Variants in SLC15A3 observed in about 807,000 individuals in gnomAD.
SLC15A3 encodes solute carrier family 15 member 3.
In SLC15A3, 39 loss-of-function variants were observed where a neutral mutation model predicts 49.2. That is an observed-to-expected ratio of 0.79 (90% confidence interval 0.61 to 1.04). The LOEUF (loss-of-function observed/expected upper bound fraction) is 1.04, where lower values mean the gene tolerates loss of function less well. Among genes scored for constraint, SLC15A3 ranks in the 50% least tolerant of loss-of-function variants. The pLI, the probability that SLC15A3 is intolerant of heterozygous loss-of-function variation, is 0.00. For missense variants in SLC15A3, 758 were observed against 794.8 expected (o/e 0.95, Z 0.56); for synonymous variants, 339 against 367.0 (o/e 0.92, Z 0.87).
chr11:60,949,075 C>T (rs979972035), intron 1 of SLC15A3, among the ~76,000 whole-genome samples: 1 of 152,182 alleles, frequency 6.6e-6, no homozygotes, highest in Non-Finnish European at 1.5e-5. Context: ...GTGGCTCACG[C>T]CTGTAATCCC....
chr11:60,946,822 C>T lies in SLC15A3; in HGVS notation c.559-1G>A. The T allele has an allele frequency of 6.2e-7, 1 of 1,606,550 alleles. No homozygotes were observed. The highest frequency in any genetic ancestry group is 8.5e-7 in the Non-Finnish European group (1 of 1,177,740). On this transcript the variant is annotated splice_acceptor_variant, in intron 1 of 7. Transcript: ENST00000227880. LOFTEE classifies it high-confidence loss of function. The stretch of plus-strand genomic sequence containing the variant: ...TGGCGTCGCGGCCGAGATCCATCAC[C>T]TGCCATTCAGGAAGGGGTGACAGTG...
chr11:60,939,406 G>A (rs991877046), intron 6 of SLC15A3, 74 bp downstream of exon 6: 22 of 1,558,920 alleles, frequency 1.4e-5, no homozygotes, highest in Admixed American at 3.5e-5. Context: ...TGCATCCCTG[G>A]GGTACCTGAC....
At chr11:60,943,639 A>G in intron 3 of SLC15A3, 50 bp downstream of exon 3, 2 of 1,451,930 alleles carry the variant, frequency 1.4e-6, no homozygotes, top group Non-Finnish European at 1.8e-6. Flanking sequence ...GGCCATTCAG[A>G]TGGTGAGTGG....
intron 7 of SLC15A3, 134 bp downstream of exon 7, chr11:60,937,735 CG>C: frequency 8.2e-7 from 1 of 1,224,128 alleles, no homozygotes; most frequent in Admixed American, 2.7e-5. Flanking sequence ...TGGCCAAGCC[CG>C]GGCTAGAACC....
At chr11:60,939,288 G>T (rs562239054) in intron 6 of SLC15A3, among the ~76,000 whole-genome samples, 192 bp downstream of exon 6, 12 of 152,204 alleles carry the variant, frequency 7.9e-5, no homozygotes, top group Admixed American at 7.2e-4. Flanking sequence ...CCCAGTGCCT[G>T]TCACATAGGG....
At chr11:60,949,098 G>T (rs1285304063) in intron 1 of SLC15A3, among the ~76,000 whole-genome samples, 2 of 152,182 alleles carry the variant, frequency 1.3e-5, no homozygotes, top group African/African-American at 4.8e-5. Flanking sequence ...CACTTTGGGA[G>T]GCTGAGGCAG....
intron 1 of SLC15A3, among the ~76,000 whole-genome samples, chr11:60,949,277 C>T (rs906251738): frequency 6.6e-6 from 1 of 151,632 alleles, no homozygotes; most frequent in Non-Finnish European, 1.5e-5. Flanking sequence ...GTGGAGGTTG[C>T]AGTGATCTGA....
At chr11:60,949,000 G>T (rs139887333) in intron 1 of SLC15A3, among the ~76,000 whole-genome samples, 1 of 152,284 alleles carries the variant, frequency 6.6e-6, no homozygotes, top group Non-Finnish European at 1.5e-5. Context: ...GACAAATATT[G>T]GGGGTCTCTA....
chr11:60,939,541 GA>G lies in SLC15A3; in HGVS notation c.1373del (p.Ile458ThrfsTer56). The G allele has an allele frequency of 6.2e-7, 1 of 1,614,208 alleles. No individual in the cohort carries two copies. Among genetic ancestry groups the G allele is most frequent in the Non-Finnish European group, 8.5e-7 (1 of 1,180,016 alleles). On this transcript the variant is annotated frameshift_variant, in exon 6 of 8. Coordinates refer to ENST00000227880, the MANE Select transcript of SLC15A3 (RefSeq NM_016582.3). LOFTEE classifies it high-confidence loss of function. ...GCAGGTACTGAGGGATCTGCCACCA[GA>G]TGGACAGTGGTGCCGCGTTGTACAG... ...EVLYNAAPLS[I>X]WWQIPQYLLI... is the part of the protein sequence containing the mutation.
At chr11:60,939,065 C>G (rs1408510538) in intron 6 of SLC15A3, among the ~76,000 whole-genome samples, 1 of 152,164 alleles carries the variant, frequency 6.6e-6, no homozygotes, top group South Asian at 2.1e-4. Context: ...GTACTGTGTG[C>G]TATGATAGAG....
intron 7 of SLC15A3, 100 bp downstream of exon 7, chr11:60,937,770 T>C: frequency 1.4e-6 from 2 of 1,426,300 alleles, no homozygotes; most frequent in African/African-American, 2.8e-5. Context: ...TCTAGCCCTC[T>C]ACTTGCTTCT....
In SLC15A3 at chr11:60,943,974, A is replaced by G. The variant is rs517805; in HGVS notation, c.849-138T>C. 1,436 of 821,516 alleles carry G rather than the reference A, an allele frequency of 1.7e-3. 19 individuals carry two copies. In the African/African-American group the frequency reaches 0.023, roughly 13 times the overall value. 50.9% of individuals were successfully genotyped at this position (821,516 alleles called of 1,614,324 possible). A position where few individuals can be genotyped will look rare whatever the true frequency, so the allele number is the denominator to read the frequency against. ...GGAGTTCAAGACCAGCCTGGCCAAG[A>G]TGATGAAACTCCGTCCCTACTAAAA... On this transcript the variant is annotated intron_variant, in intron 2 of 7. Transcript: ENST00000227880.
intron 2 of SLC15A3, 44 bp from the exon 3 acceptor site, chr11:60,943,880 G>A (rs1007587026): frequency 4.2e-6 from 6 of 1,445,526 alleles, no homozygotes; most frequent in East Asian, 2.6e-5. Flanking sequence ...AGTCAAGGCT[G>A]GGCTTGGTGG....
intron 2 of SLC15A3, 94 bp downstream of exon 2, chr11:60,946,436 GAA>G (rs1189708222): frequency 2.9e-6 from 4 of 1,374,624 alleles, no homozygotes; most frequent in Admixed American, 2.5e-5. Flanking sequence ...CACTGTAGCT[GAA>G]CCAGAATGTC....
chr11:60,941,341 G>C, intron 4 of SLC15A3, 51 bp from the exon 5 acceptor site: 1 of 1,562,406 alleles, frequency 6.4e-7, no homozygotes, highest in South Asian at 1.2e-5. Flanking sequence ...CAAGGAGCCT[G>C]GCTGCAGTCA....
At chr11:60,941,986 AGCCGCTAC>A in intron 4 of SLC15A3, 41 bp downstream of exon 4, 1 of 1,550,772 alleles carries the variant, frequency 6.4e-7, no homozygotes. Flanking sequence ...TCTCAGAGGA[AGCCGCTAC>A]CTGGCTGAAC....
At chr11:60,946,511 G>A in intron 2 of SLC15A3, 21 bp downstream of exon 2, 1 of 1,529,944 alleles carries the variant, frequency 6.5e-7, no homozygotes, top group Non-Finnish European at 8.8e-7. Context: ...GAGGCTCCCT[G>A]CACCCAGAGC....
At chr11:60,941,920 G>T in intron 4 of SLC15A3, 115 bp downstream of exon 4, 1 of 1,004,682 alleles carries the variant, frequency 1.0e-6, no homozygotes. Flanking sequence ...CCTGTATCCT[G>T]AGGTTGCCTT....
intron 6 of SLC15A3, among the ~76,000 whole-genome samples, chr11:60,938,667 T>A (rs1856662700): frequency 1.3e-5 from 2 of 152,130 alleles, no homozygotes; most frequent in South Asian, 4.1e-4. Context: ...GCACCTCCCA[T>A]GCCTCTCCAG....
Sources: gnomAD v4.1 joint callset for allele counts (sites outside exome capture counted in the v4.1 genomes callset) on GRCh38, gnomAD v4.1.1 for gene constraint, MANE v1.5 for transcripts, NCBI Gene and HGNC (gene_info 2026-07-23, HGNC 2026-07-21) for gene names.